Variants in OR4N5 observed in about 807,000 individuals in gnomAD.
OR4N5 encodes the protein olfactory receptor family 4 subfamily N member 5.
For synonymous variants in OR4N5, 155 were observed against 140.6 expected, an observed-to-expected ratio of 1.10 and a Z score of -0.72; for missense variants, 428 against 370.0, an observed-to-expected ratio of 1.16 and a Z score of -1.29.
Position 20,144,290 on chromosome 14 carries a change from C to CA in OR4N5, c.557dup (p.Leu187AlafsTer45). 6.2e-7 allele frequency: 1 copy of CA among 1,614,070 alleles called. No individual in the cohort carries two copies. Among genetic ancestry groups the CA allele is most frequent in the Non-Finnish European group, 8.5e-7 (1 of 1,179,998 alleles). The stretch of plus-strand genomic sequence containing the variant: ...TCTTCTGTGATGTTCCACAGGTCAT[C>CA]AAGCTGGCCTGCACCAATACCTTTG... On this transcript the variant is annotated frameshift_variant, in exon 3 of 3. Coordinates refer to ENST00000641086, the MANE Select transcript of OR4N5 (RefSeq NM_001004724.2). LOFTEE classifies it low-confidence loss of function (END_TRUNC).
rs971172860 is a variant in OR4N5 at position 20,145,305 on chromosome 14, A to G, written c.*643A>G. The G allele has an allele frequency of 1.3e-5, 2 of 152,218 alleles. No homozygotes were observed. Among genetic ancestry groups the G allele is most frequent in the African/African-American group, 4.8e-5 (2 of 41,464 alleles). The allele number at this position is 152,218 out of a possible 1,614,324, so 9.4% of individuals were successfully genotyped here. ...TTCAATTTATTCAGATTTCAAAAGG[A>G]GATTCTTGAAAGACAATAAGCAGGA... is the stretch of plus-strand genomic sequence containing the variant. On this transcript the variant is annotated 3_prime_UTR_variant, in exon 3 of 3. Coordinates refer to ENST00000641086, the MANE Select transcript of OR4N5 (RefSeq NM_001004724.2).
Position 20,144,265 on chromosome 14 carries a change from TC to T in OR4N5, c.531del (p.Phe178SerfsTer21). ...TGTGGCCCAAACCAGCTCGATAACTTCTTCTGTGATGTTCCACAGGTCATCA... is the reference window on the plus strand; with the variant it reads ...TGTGGCCCAAACCAGCTCGATAACTTTTCTGTGATGTTCCACAGGTCATCA... The part of the protein sequence containing the change: ...PFCGPNQLDN[F>X]FCDVPQVIKL... On this transcript the variant is annotated frameshift_variant, in exon 3 of 3. Coordinates refer to ENST00000641086, the MANE Select transcript of OR4N5 (RefSeq NM_001004724.2). LOFTEE classifies it low-confidence loss of function (END_TRUNC). 6.2e-7 allele frequency: 1 copy of T among 1,613,910 alleles called. No individual in the cohort carries two copies. Among genetic ancestry groups the T allele is most frequent in the Non-Finnish European group, 8.5e-7 (1 of 1,179,876 alleles).
Position 20,143,967 on chromosome 14 carries a change from G to T in OR4N5, c.232G>T (p.Val78Phe), listed in dbSNP as rs1208613363. ...LLDASYSFIVVPRMLVDFLSE... is the reference protein window; with the variant it reads ...LLDASYSFIVFPRMLVDFLSE... ...GGATGCATCCTACTCCTTCATTGTG[G>T]TTCCCAGGATGTTGGTGGACTTCCT... Residue 78 changes from valine to phenylalanine, a missense_variant, in exon 3 of 3, where the codon GTT becomes TTT. Coordinates refer to ENST00000641086, the MANE Select transcript of OR4N5 (RefSeq NM_001004724.2). 1 of 1,614,032 alleles carries T rather than the reference G, an allele frequency of 6.2e-7. No homozygotes were observed. Among genetic ancestry groups the T allele is most frequent in the African/African-American group, 1.3e-5 (1 of 75,030 alleles).
rs551796489 is a variant in OR4N5, at chr14:20,140,969, G to A, written c.-254G>A. On this transcript the variant is annotated 5_prime_UTR_variant, in exon 2 of 3. Transcript: ENST00000641086. ...CATCTCTGTGACAAATACAATTTGA[G>A]AATCAACAGAACAAAAGGTACATAA... 6.6e-6 allele frequency: 1 copy of A among 151,730 alleles called. No individual in the cohort carries two copies. The highest frequency in any genetic ancestry group is 1.5e-5 in the Non-Finnish European group (1 of 67,904). The allele number at this position is 151,730 out of a possible 1,614,324, so 9.4% of individuals were successfully genotyped here. A position where few individuals can be genotyped will look rare whatever the true frequency, so the allele number is the denominator to read the frequency against.
chr14:20,144,380 G>A lies in OR4N5; in HGVS notation c.645G>A (p.Leu215=). The A allele has an allele frequency of 3.1e-6, 5 of 1,613,982 alleles. No homozygotes were observed. Among genetic ancestry groups the A allele is most frequent in the Non-Finnish European group, 3.4e-6 (4 of 1,179,986 alleles). ...GCCTCCTGTGCTTCCTGGGCCTTCT[G>A]GCCTCCTATGCAGTCATCCTCTGTC... is the stretch of plus-strand genomic sequence containing the variant. ...LLSLLCFLGL[L]ASYAVILCRI... Residue 215 remains leucine, a synonymous_variant, in exon 3 of 3, where the codon CTG becomes CTA. Coordinates refer to ENST00000641086, the MANE Select transcript of OR4N5 (RefSeq NM_001004724.2).
rs566524718 is a variant in OR4N5, at chr14:20,144,988, G to A, written c.*326G>A. The A allele has an allele frequency of 3.1e-4, 58 of 189,660 alleles. No homozygotes were observed. The highest frequency in any genetic ancestry group is 5.5e-4 in the Non-Finnish European group (51 of 92,180). 11.7% of individuals were successfully genotyped at this position (189,660 alleles called of 1,614,324 possible). On this transcript the variant is annotated 3_prime_UTR_variant, in exon 3 of 3. Coordinates refer to ENST00000641086, the MANE Select transcript of OR4N5 (RefSeq NM_001004724.2). ...GTGGTATTATGCTAGAGATTAGCTG[G>A]GGAGGTGGTAATTACCTTACTTTTG...
At position 20,144,038 on chromosome 14, in the gene OR4N5, C is replaced by G. The variant is rs1878674468; in HGVS notation, c.303C>G (p.Leu101=). 2.5e-6 allele frequency: 4 copies of G among 1,614,116 alleles called. No individual in the cohort carries two copies. In the East Asian group the frequency reaches 8.9e-5, roughly 36 times the overall value. Residue 101 remains leucine (L), a synonymous_variant, in exon 3 of 3, where the codon CTC becomes CTG. Transcript: ENST00000641086. ...VISYRSCITQ[L]FFLHFLGAGE... ...CCTATAGAAGCTGCATCACTCAGCT[C>G]TTTTTCTTGCATTTTCTTGGAGCGG...
At chr14:20,139,755 TC>T (rs1878580345) in intron 1 of OR4N5, among the ~76,000 whole-genome samples, 1 of 152,144 alleles carries the variant, frequency 6.6e-6, no homozygotes, top group African/African-American at 2.4e-5. Context: ...TTTAATAGAT[TC>T]AAAATACAGA....
Position 20,145,448 on chromosome 14 carries a change from A to G in OR4N5, c.*786A>G, listed in dbSNP as rs1180744213. 1 of 152,066 alleles carries G rather than the reference A, an allele frequency of 6.6e-6. No individual in the cohort carries two copies. Among genetic ancestry groups the G allele is most frequent in the Admixed American group, 6.6e-5 (1 of 15,244 alleles). 9.4% of individuals were successfully genotyped at this position (152,066 alleles called of 1,614,324 possible). A position where few individuals can be genotyped will look rare whatever the true frequency, so the allele number is the denominator to read the frequency against. ...AAGTGCGTGCTGCTAAGTATTTTTT[A>G]TTTATGTCAACACTTAAAAGGTCTA... On this transcript the variant is annotated 3_prime_UTR_variant, in exon 3 of 3. Coordinates refer to ENST00000641086, the MANE Select transcript of OR4N5 (RefSeq NM_001004724.2).
rs768839265 is a variant in OR4N5, at chr14:20,144,350, G to A, written c.615G>A (p.Leu205=). 1.2e-6 allele frequency: 2 copies of A among 1,613,856 alleles called. No homozygotes were observed. The part of the protein sequence containing the change: ...VELLMVSNSG[L]LSLLCFLGLL... ...TTCTGATGGTCTCCAACAGTGGCCT[G>A]CTCAGCCTCCTGTGCTTCCTGGGCC... Residue 205 remains leucine (L), a synonymous_variant, in exon 3 of 3, where the codon CTG becomes CTA. Transcript: ENST00000641086.
intron 1 of OR4N5, 79 bp downstream of exon 1, chr14:20,138,969 G>A (rs1019790690): frequency 6.6e-6 from 1 of 151,592 alleles, no homozygotes. Flanking sequence ...TATTTGTCTT[G>A]GTTATCTGCT....
chr14:20,143,741 AAC>A lies in OR4N5; in HGVS notation c.10_11del (p.Gln4GlufsTer84). 6.3e-7 allele frequency: 1 copy of A among 1,599,098 alleles called. No homozygotes were observed. Among genetic ancestry groups the A allele is most frequent in the Non-Finnish European group, 8.5e-7 (1 of 1,173,674 alleles). ME[T>X]QNLTVVTEFI... is the part of the protein sequence containing the mutation. ...ATTCTGCAGAGTGAGAAATTATGGA[AAC>A]ACAGAACCTCACAGTGGTGACAGAA... On this transcript the variant is annotated frameshift_variant, in exon 3 of 3. Transcript: ENST00000641086. LOFTEE classifies it low-confidence loss of function (END_TRUNC).
rs113140815 is a variant in OR4N5 at position 20,141,692 on chromosome 14, A to G, written c.-12+481A>G. Among the ~76,000 whole-genome samples, 174 of 152,234 alleles carry G rather than the reference A, an allele frequency of 1.1e-3. 1 individual carries two copies. Among genetic ancestry groups the G allele is most frequent in the African/African-American group, 4.1e-3 (171 of 41,558 alleles). ...AGTAATTTCTGTCAAATTTCAATTA[A>G]GAATTTATCTCCTCCAGTCCTCCTC... On this transcript the variant is annotated intron_variant, in intron 2 of 2. Transcript: ENST00000641086.
intron 2 of OR4N5, among the ~76,000 whole-genome samples, chr14:20,141,452 G>A (rs148169669): frequency 6.6e-6 from 1 of 152,172 alleles, no homozygotes; most frequent in South Asian, 2.1e-4. Flanking sequence ...GTACCCATGT[G>A]TTGTAAGTAC....
At chr14:20,142,874 A>C (rs139124515) in intron 2 of OR4N5, among the ~76,000 whole-genome samples, 3 of 152,334 alleles carry the variant, frequency 2.0e-5, no homozygotes, top group African/African-American at 4.8e-5. Flanking sequence ...TTTTAATTTT[A>C]TTAGCCGAGA....
chr14:20,140,836 T>G lies in OR4N5; in HGVS notation c.-380-7T>G, dbSNP rs2139074262. ...ACTGACAATGCCTCTTTGTCTTATC[T>G]GACTAGAACAAGAAGTTTGCCCCTG... On this transcript the variant is annotated splice_region_variant and splice_polypyrimidine_tract_variant and intron_variant, in intron 1 of 2. Coordinates refer to ENST00000641086, the MANE Select transcript of OR4N5 (RefSeq NM_001004724.2). The G allele has an allele frequency of 6.6e-6, 1 of 152,128 alleles. No homozygotes were observed. Among genetic ancestry groups the G allele is most frequent in the East Asian group, 1.9e-4 (1 of 5,184 alleles). The allele number at this position is 152,128 out of a possible 1,614,324, so 9.4% of individuals were successfully genotyped here.
At chr14:20,143,190 T>C (rs1878651479) in intron 2 of OR4N5, among the ~76,000 whole-genome samples, 1 of 152,096 alleles carries the variant, frequency 6.6e-6, no homozygotes, top group Non-Finnish European at 1.5e-5. Flanking sequence ...AGCACAACAA[T>C]GTGATGGGAA....
In OR4N5 at chr14:20,144,086, G is replaced by C; in HGVS notation, c.351G>C (p.Val117=). The stretch of plus-strand genomic sequence containing the variant: ...CGGGAGAGATGTTCCTCCTCGTTGT[G>C]ATGGCCTTTGACCGCTACATCGCCA... The part of the protein sequence containing the change: ...LGAGEMFLLV[V]MAFDRYIAIC... Residue 117 remains valine, a synonymous_variant, in exon 3 of 3, where the codon GTG becomes GTC. Transcript: ENST00000641086. The C allele has an allele frequency of 6.2e-7, 1 of 1,613,946 alleles. No individual in the cohort carries two copies. The highest frequency in any genetic ancestry group is 8.5e-7 in the Non-Finnish European group (1 of 1,179,982).
intron 1 of OR4N5, among the ~76,000 whole-genome samples, chr14:20,139,447 A>T (rs1254928912): frequency 6.6e-6 from 1 of 152,134 alleles, no homozygotes. Context: ...GAAAGACATG[A>T]TTCTCAAACA....
Sources: allele counts gnomAD v4.1 joint callset (sites outside exome capture counted in the v4.1 genomes callset), GRCh38; gene constraint gnomAD v4.1.1; transcripts MANE v1.5; gene names NCBI Gene and HGNC (gene_info 2026-07-23, HGNC 2026-07-21).